The following PTBP1 variants were observed in gnomAD, a reference collection of about 807,000 sequenced individuals.
PTBP1 encodes the protein polypyrimidine tract binding protein 1.
A neutral mutation model predicts 59.8 loss-of-function variants in PTBP1; 8 were observed. The ratio of observed to expected loss-of-function variants is 0.13; its 90% confidence interval spans 0.08 to 0.24. The LOEUF (loss-of-function observed/expected upper bound fraction) is 0.24. Among genes scored for constraint, PTBP1 ranks in the 10% least tolerant of loss-of-function variants. The pLI is 1.00. For missense variants in PTBP1, 686 were observed against 767.0 expected, an observed-to-expected ratio of 0.89 and a Z score of 1.25; for synonymous variants, 490 against 320.7, an observed-to-expected ratio of 1.53 and a Z score of -5.64.
chr19:798,562 G>C (rs117432480), intron 1 of PTBP1: 5,085 of 152,370 alleles, frequency 0.033, 152 homozygotes, highest in Non-Finnish European at 0.049. Context: ...CCTGCAGACG[G>C]CGAGACGAGG....
At position 805,200 on chromosome 19, in the gene PTBP1, C is replaced by A. The variant is rs563144330; in HGVS notation, c.892+13C>A. 1 of 1,612,190 alleles carries A rather than the reference C, an allele frequency of 6.2e-7. No homozygotes were observed. Among genetic ancestry groups the A allele is most frequent in the South Asian group, 1.1e-5 (1 of 91,014 alleles). ...GCCGCGGCCTTCGGTAAGAGGCTGC[C>A]CGACGCGGCGCCAGTGTGCAGAGTG... is the stretch of plus-strand genomic sequence containing the variant. On this transcript the variant is annotated intron_variant, in intron 8 of 14. Coordinates refer to ENST00000356948, the MANE Select transcript of PTBP1 (RefSeq NM_002819.5).
Position 804,148 on chromosome 19 carries a change from C to T in PTBP1, c.228C>T (p.Ile76=). The T allele has an allele frequency of 6.2e-7, 1 of 1,613,010 alleles. No individual in the cohort carries two copies. The highest frequency in any genetic ancestry group is 8.5e-7 in the Non-Finnish European group (1 of 1,179,220). The part of the protein sequence containing the change: ...LPIDVTEGEV[I]SLGLPFGKVT... ...TCGACGTCACGGAGGGGGAAGTCAT[C>T]TCCCTGGGGCTGCCCTTTGGGAAGG... Residue 76 remains isoleucine (I), a synonymous_variant, in exon 4 of 15, where the codon ATC becomes ATT. Coordinates refer to ENST00000356948, the MANE Select transcript of PTBP1 (RefSeq NM_002819.5).
At position 806,460 on chromosome 19, in the gene PTBP1, GGCGGCGGCGGCA is replaced by G. The variant is rs1044851006; in HGVS notation, c.1026_1037del (p.Ala346_Ala349del). ...CCCTGGCCCCCCTGGCCATCCCCTC[GGCGGCGGCGGCA>G]GCTGCGGCGGCAGGTCGGATCGCCA... On this transcript the variant is annotated inframe_deletion, in exon 10 of 15. Coordinates refer to ENST00000356948, the MANE Select transcript of PTBP1 (RefSeq NM_002819.5). 3.1e-6 allele frequency: 5 copies of G among 1,594,892 alleles called. No homozygotes were observed. The highest frequency in any genetic ancestry group is 2.7e-5 in the African/African-American group (2 of 72,752).
In PTBP1 at chr19:811,063, CCGGGGCCAGACCCT is replaced by C. The variant is rs1017458420; in HGVS notation, c.*246_*259del. Reference sequence around the variant, plus strand: ...AGCGGGAGTTCCCGGCCCTCCACACCCGGGGCCAGACCCTCGGGGCCATGCCTTGGTGGGGCCTG... The same window carrying C: ...AGCGGGAGTTCCCGGCCCTCCACACCCGGGGCCATGCCTTGGTGGGGCCTG... On this transcript the variant is annotated 3_prime_UTR_variant, in exon 15 of 15. Coordinates refer to ENST00000356948, the MANE Select transcript of PTBP1 (RefSeq NM_002819.5). The C allele has an allele frequency of 8.9e-6, 4 of 451,318 alleles. No homozygotes were observed. The highest frequency in any genetic ancestry group is 4.1e-5 in the African/African-American group (2 of 48,476). The allele number at this position is 451,318 out of a possible 1,614,324, so 28.0% of individuals were successfully genotyped here. A position where few individuals can be genotyped will look rare whatever the true frequency, so the allele number is the denominator to read the frequency against.
chr19:799,323 C>G (rs368938011), intron 1 of PTBP1, 90 bp from the exon 2 acceptor site: 4 of 1,232,926 alleles, frequency 3.2e-6, no homozygotes, highest in African/African-American at 1.5e-5. Context: ...CTGCAGGGAC[C>G]TACGGGCTCT....
rs1287560150 is a variant in PTBP1, at chr19:811,093, G to GT, written c.*268dup. On this transcript the variant is annotated 3_prime_UTR_variant, in exon 15 of 15. Transcript: ENST00000356948. ...GCCAGACCCTCGGGGCCATGCCTTG[G>GT]TGGGGCCTGTGTCGGGCGTGGGGCC... 5 of 369,044 alleles carry GT rather than the reference G, an allele frequency of 1.4e-5. No homozygotes were observed. The highest frequency in any genetic ancestry group is 1.1e-4 in the African/African-American group (5 of 47,154). 22.9% of individuals were successfully genotyped at this position (369,044 alleles called of 1,614,324 possible).
intron 2 of PTBP1, among the ~76,000 whole-genome samples, chr19:799,750 AGGCT>A (rs1355516150): frequency 6.6e-6 from 1 of 152,044 alleles, no homozygotes; most frequent in Non-Finnish European, 1.5e-5. Flanking sequence ...CTGCCTCTAG[AGGCT>A]GGAATCGTGC....
At chr19:804,989 G>C (rs556794966) in intron 7 of PTBP1, 24 bp from the exon 8 acceptor site, 3 of 1,612,450 alleles carry the variant, frequency 1.9e-6, no homozygotes, top group African/African-American at 2.7e-5. Context: ...GCCCGGCGAC[G>C]TCTCACGGTC....
chr19:800,534 A>G (rs1016999513), intron 2 of PTBP1, among the ~76,000 whole-genome samples: 21 of 152,236 alleles, frequency 1.4e-4, no homozygotes, highest in Admixed American at 1.4e-3. Context: ...TTGTGCCCCG[A>G]GAGCCTCCCG....
intron 2 of PTBP1, among the ~76,000 whole-genome samples, chr19:800,920 C>T (rs1032860195): frequency 2.0e-5 from 3 of 152,070 alleles, no homozygotes; most frequent in Non-Finnish European, 2.9e-5. Flanking sequence ...TTGAAGCCTG[C>T]GGGAGGGATT....
chr19:803,429 G>T, intron 2 of PTBP1, 132 bp from the exon 3 acceptor site: 1 of 724,822 alleles, frequency 1.4e-6, no homozygotes, highest in Non-Finnish European at 2.4e-6. Context: ...CCCTGCCGTG[G>T]AAGTGTGGGT....
chr19:808,733 C>T lies in PTBP1; in HGVS notation c.1434C>T (p.Pro478=), dbSNP rs375247649. ...GSKNFQNIFP[P]SATLHLSNIP... ...AGAACTTCCAGAACATATTCCCGCC[C>T]TCGGCCACGCTGCACCTCTCCAACA... The change falls in exon 13 of 15, where the codon CCC becomes CCT. Residue 478 remains proline, a synonymous_variant. Coordinates refer to ENST00000356948, the MANE Select transcript of PTBP1 (RefSeq NM_002819.5). The surrounding 1 kb of genome is among the most constrained non-coding windows in gnomAD (Gnocchi z 4.7). 7.2e-5 allele frequency: 116 copies of T among 1,612,636 alleles called. No individual in the cohort carries two copies. The highest frequency in any genetic ancestry group is 9.4e-5 in the Non-Finnish European group (111 of 1,179,718).
intron 2 of PTBP1, among the ~76,000 whole-genome samples, chr19:802,072 GGC>G (rs2034359856): frequency 6.6e-6 from 1 of 152,206 alleles, no homozygotes; most frequent in Non-Finnish European, 1.5e-5. Context: ...CGGCCCTTGT[GGC>G]TGCTCGATTG....
At chr19:810,484 C>T in intron 13 of PTBP1, 59 bp from the exon 14 acceptor site, 1 of 1,490,514 alleles carries the variant, frequency 6.7e-7, no homozygotes, top group Admixed American at 1.9e-5. Flanking sequence ...GCCTCGCGGA[C>T]CTGACTGGGC....
intron 2 of PTBP1, among the ~76,000 whole-genome samples, chr19:802,901 G>GC (rs1370457720): frequency 3.9e-5 from 6 of 152,238 alleles, no homozygotes; most frequent in Non-Finnish European, 8.8e-5. Context: ...AAGTGATGGA[G>GC]CCGCTGTGGA....
chr19:805,240 C>G (rs2034508555), intron 8 of PTBP1, 53 bp downstream of exon 8: 8 of 1,592,652 alleles, frequency 5.0e-6, no homozygotes, highest in Non-Finnish European at 6.9e-6. Flanking sequence ...ATTAGGGCCG[C>G]TCAGTCCGGA....
intron 2 of PTBP1, 122 bp from the exon 3 acceptor site, chr19:803,431 AGTGTGGGT>A (rs2034424945): frequency 1.4e-6 from 1 of 722,350 alleles, no homozygotes; most frequent in African/African-American, 1.8e-5. Flanking sequence ...CTGCCGTGGA[AGTGTGGGT>A]GTGGGTATGG....
chr19:806,755 G>A, intron 10 of PTBP1, 199 bp downstream of exon 10: 1 of 511,140 alleles, frequency 2.0e-6, no homozygotes, highest in East Asian at 3.5e-5. Flanking sequence ...TCACATCTTG[G>A]TTCGCGTTTT....
chr19:805,585 G>A lies in PTBP1; in HGVS notation c.970+16G>A. 6.2e-7 allele frequency: 1 copy of A among 1,608,824 alleles called. No individual in the cohort carries two copies. Among genetic ancestry groups the A allele is most frequent in the Non-Finnish European group, 8.5e-7 (1 of 1,175,260 alleles). On this transcript the variant is annotated intron_variant, in intron 9 of 14. Transcript: ENST00000356948. Reference sequence around the variant, plus strand: ...CAAGCTGCAGGTATTCAAACGCTTGGTCTTGGTTCCCCAGCGACTGCATGC... The same window carrying A: ...CAAGCTGCAGGTATTCAAACGCTTGATCTTGGTTCCCCAGCGACTGCATGC...
Sources: allele counts gnomAD v4.1 joint callset (sites outside exome capture counted in the v4.1 genomes callset), GRCh38; gene constraint gnomAD v4.1.1; non-coding constraint Gnocchi (gnomAD v3.1); transcripts MANE v1.5; gene names NCBI Gene and HGNC (gene_info 2026-07-23, HGNC 2026-07-21).